FGF12: variants seen among roughly 807,000 people sequenced by gnomAD.
FGF12 encodes the protein fibroblast growth factor 12B.
In FGF12, 14 loss-of-function variants were observed where a neutral mutation model predicts 23.6. That is an observed-to-expected ratio of 0.59 (90% confidence interval 0.39 to 0.93). FGF12 has a LOEUF of 0.93. Ranked by LOEUF, FGF12 falls within the 40% of genes least tolerant of loss-of-function variation. The pLI, the probability that FGF12 is intolerant of heterozygous loss-of-function variation, is 0.00. For synonymous variants in FGF12, 62 were observed against 77.3 expected, an observed-to-expected ratio of 0.80 and a Z score of 1.04; for missense variants, 175 against 217.8, an observed-to-expected ratio of 0.80 and a Z score of 1.24.
At chr3:192,592,724 G>T (rs1713679654) in intron 2 of FGF12, among the ~76,000 whole-genome samples, 1 of 151,600 alleles carries the variant, frequency 6.6e-6, no homozygotes, top group South Asian at 2.1e-4. Flanking sequence ...TTTCTCCAAG[G>T]GTCTCCATCT....
chr3:192,307,586 T>A (rs900154382), intron 4 of FGF12, among the ~76,000 whole-genome samples: 3 of 152,180 alleles, frequency 2.0e-5, no homozygotes, highest in East Asian at 1.9e-4. Context: ...AGAATTTTTT[T>A]AAAACAAACC....
At chr3:192,170,110 T>C (rs149485708) in intron 5 of FGF12, among the ~76,000 whole-genome samples, 1,517 of 142,792 alleles carry the variant, frequency 0.011, 29 homozygotes, top group African/African-American at 0.039. Context: ...TTTTTTTAAG[T>C]GCCAAGTATT....
chr3:192,484,569 G>A (rs1043832115), intron 2 of FGF12, among the ~76,000 whole-genome samples: 7 of 152,082 alleles, frequency 4.6e-5, no homozygotes, highest in African/African-American at 1.7e-4. Context: ...CTGTAAGAGG[G>A]AATTATCATT....
chr3:192,166,952 T>C (rs905533667), intron 5 of FGF12, among the ~76,000 whole-genome samples: 7 of 151,734 alleles, frequency 4.6e-5, no homozygotes, highest in African/African-American at 9.7e-5. Flanking sequence ...GCATTTTTTT[T>C]CCCAGAACAA....
At chr3:192,388,811 A>C (rs762772496) in intron 2 of FGF12, among the ~76,000 whole-genome samples, 20 of 152,026 alleles carry the variant, frequency 1.3e-4, no homozygotes, top group Non-Finnish European at 2.5e-4. Context: ...ATTTTAAAAC[A>C]TATTCAATTT....
chr3:192,464,775 T>C (rs1003317307), intron 2 of FGF12, among the ~76,000 whole-genome samples: 3 of 152,078 alleles, frequency 2.0e-5, no homozygotes, highest in African/African-American at 7.2e-5. Context: ...TCCTGTGGAC[T>C]GGGGAAGGGT....
chr3:192,283,013 T>C (rs932765670), intron 4 of FGF12: 2 of 152,102 alleles, frequency 1.3e-5, no homozygotes, highest in Non-Finnish European at 2.9e-5. Context: ...ATTACAGTGT[T>C]TCCTAGAATC....
intron 2 of FGF12, among the ~76,000 whole-genome samples, chr3:192,435,575 G>A (rs917620611): frequency 3.3e-5 from 5 of 152,114 alleles, no homozygotes; most frequent in Non-Finnish European, 5.9e-5. Flanking sequence ...GAACAGCATT[G>A]TTCGGCCAGC....
intron 4 of FGF12, among the ~76,000 whole-genome samples, chr3:192,183,493 A>G (rs1488853139): frequency 6.6e-6 from 1 of 152,208 alleles, no homozygotes; most frequent in Non-Finnish European, 1.5e-5. Flanking sequence ...TGAGAATGCA[A>G]AGTAAACACC....
chr3:192,431,922 C>T (rs1375108560), intron 2 of FGF12, among the ~76,000 whole-genome samples: 2 of 152,196 alleles, frequency 1.3e-5, no homozygotes, highest in Non-Finnish European at 2.9e-5. Context: ...AAGCACAGCA[C>T]ACACATATCA....
At chr3:192,294,911 T>G (rs191942161) in intron 4 of FGF12, among the ~76,000 whole-genome samples, 1 of 152,176 alleles carries the variant, frequency 6.6e-6, no homozygotes, top group South Asian at 2.1e-4. Flanking sequence ...AGAGGTTTGG[T>G]TTCTTGAAAC....
intron 2 of FGF12, among the ~76,000 whole-genome samples, chr3:192,364,416 C>A (rs1560086420): frequency 1.3e-5 from 2 of 152,252 alleles, no homozygotes; most frequent in Admixed American, 1.3e-4. Context: ...GGTTTGCTCC[C>A]TTTTGTGCTC....
At chr3:192,353,309 T>C (rs1334847196) in intron 3 of FGF12, among the ~76,000 whole-genome samples, 1 of 130,952 alleles carries the variant, frequency 7.6e-6, no homozygotes, top group East Asian at 2.9e-4. Context: ...AGAAAGAATA[T>C]CATTTCAAAT....
At chr3:192,434,710 C>T (rs1721963640) in intron 2 of FGF12, among the ~76,000 whole-genome samples, 1 of 151,992 alleles carries the variant, frequency 6.6e-6, no homozygotes, top group Non-Finnish European at 1.5e-5. Flanking sequence ...TTTTAAAGTA[C>T]CATAAGGAGC....
At chr3:192,395,331 T>C (rs988169167) in intron 2 of FGF12, among the ~76,000 whole-genome samples, 8 of 152,186 alleles carry the variant, frequency 5.3e-5, no homozygotes, top group African/African-American at 1.9e-4. Context: ...GGTTGGGGAA[T>C]AAGTAAAGAC....
At chr3:192,513,633 CAT>C (rs1724561594) in intron 2 of FGF12, among the ~76,000 whole-genome samples, 1 of 152,098 alleles carries the variant, frequency 6.6e-6, no homozygotes, top group African/African-American at 2.4e-5. Flanking sequence ...TCCAAAATAA[CAT>C]ATGGAGTTTT....
intron 2 of FGF12, among the ~76,000 whole-genome samples, chr3:192,412,739 G>T (rs191434462): frequency 5.3e-5 from 8 of 152,138 alleles, no homozygotes; most frequent in African/African-American, 1.9e-4. Flanking sequence ...ATAGAAATTC[G>T]TAGGTTTCCT....
At chr3:192,356,851 T>C (rs184371720) in intron 3 of FGF12, among the ~76,000 whole-genome samples, 4 of 152,364 alleles carry the variant, frequency 2.6e-5, no homozygotes, top group Admixed American at 2.6e-4. Context: ...AATTTTTCTA[T>C]GAAACAAATG....
Position 192,191,329 on chromosome 3 carries a change from G to C in FGF12, c.229-20673C>G, listed in dbSNP as rs940222976. On this transcript the variant is annotated intron_variant, in intron 4 of 5. Transcript: ENST00000445105. ...TGTCATTATAGATTTGTCCACACTC[G>C]CAGAATGTAAAAAACCAAGAGTGAA... 5.3e-5 allele frequency among the ~76,000 whole-genome samples: 8 copies of C among 152,168 alleles called. No individual in the cohort carries two copies. The East Asian group carries it at 1.5e-3, about 29-fold the overall frequency.
Sources: gnomAD v4.1 joint callset for allele counts (sites outside exome capture counted in the v4.1 genomes callset) on GRCh38, gnomAD v4.1.1 for gene constraint, MANE v1.5 for transcripts, NCBI Gene and HGNC (gene_info 2026-07-23, HGNC 2026-07-21) for gene names.